PXDNL: variants seen among roughly 807,000 people sequenced by gnomAD.
PXDNL encodes probable oxidoreductase PXDNL.
PXDNL carries 145 observed loss-of-function variants against 150.8 expected under a neutral mutation model. The ratio of observed to expected loss-of-function variants is 0.96; its 90% CI spans 0.84 to 1.10. The LOEUF (loss-of-function observed/expected upper bound fraction) is 1.10. Among genes scored for constraint, PXDNL ranks in the 50% least tolerant of loss-of-function variants. The probability of loss-of-function intolerance (pLI) is 0.00; values close to 1 mark genes in which losing one functional copy is unlikely to be tolerated. For synonymous variants in PXDNL, 757 were observed against 725.7 expected, an observed-to-expected ratio of 1.04 and a Z score of -0.69; for missense variants, 2,087 against 1,873.9, an observed-to-expected ratio of 1.11 and a Z score of -2.10.
intron 1 of PXDNL, among the ~76,000 whole-genome samples, chr8:51,685,636 A>G (rs1263415339): frequency 6.6e-6 from 1 of 152,138 alleles, no homozygotes; most frequent in Non-Finnish European, 1.5e-5. Context: ...ACCTACATAC[A>G]CACATACATA....
At chr8:51,707,049 A>G (rs867554079) in intron 1 of PXDNL, among the ~76,000 whole-genome samples, 1 of 152,220 alleles carries the variant, frequency 6.6e-6, no homozygotes, top group African/African-American at 2.4e-5. Context: ...TACTTATGAT[A>G]GCCTGAAATT....
chr8:51,763,388 G>A (rs1332577492), intron 1 of PXDNL, among the ~76,000 whole-genome samples: 1 of 149,570 alleles, frequency 6.7e-6, no homozygotes, highest in Non-Finnish European at 1.5e-5. Flanking sequence ...GAAAAGGGAC[G>A]AAGCCCCAGG....
At chr8:51,339,795 G>C in intron 20 of PXDNL, 42 bp from the exon 21 acceptor site, 1 of 1,570,204 alleles carries the variant, frequency 6.4e-7, no homozygotes, top group Non-Finnish European at 8.7e-7. Context: ...AAAAATAAAA[G>C]TCGTGTGAGA....
At chr8:51,518,155 G>T (rs374811260) in intron 4 of PXDNL, among the ~76,000 whole-genome samples, 2 of 152,210 alleles carry the variant, frequency 1.3e-5, no homozygotes, top group East Asian at 3.9e-4. Context: ...AAATAAAAAG[G>T]AAATGGCTAA....
chr8:51,611,971 G>C (rs1017513567), intron 2 of PXDNL, among the ~76,000 whole-genome samples: 1 of 152,234 alleles, frequency 6.6e-6, no homozygotes, highest in Admixed American at 6.5e-5. Flanking sequence ...CAGAGGAGCA[G>C]ATGCAGGCAG....
At position 51,515,822 on chromosome 8, in the gene PXDNL, A is replaced by G. The variant is rs566341912; in HGVS notation, c.381-16052T>C. On this transcript the variant is annotated intron_variant, in intron 4 of 22. Coordinates refer to ENST00000356297, the MANE Select transcript of PXDNL (RefSeq NM_144651.5). ...TACAAAGCACAAAGCACAGACTGTC[A>G]CAATAATTGTGATCATTTTGATATC... Among the ~76,000 whole-genome samples, 6 of 152,354 alleles carry G rather than the reference A, an allele frequency of 3.9e-5. No individual in the cohort carries two copies. In the East Asian group the frequency reaches 1.2e-3, roughly 29 times the overall value.
intron 1 of PXDNL, among the ~76,000 whole-genome samples, chr8:51,756,466 A>C (rs2037103373): frequency 6.6e-6 from 1 of 152,018 alleles, no homozygotes; most frequent in African/African-American, 2.4e-5. Context: ...AATACTTATA[A>C]ATTTTTTCAA....
At chr8:51,679,805 T>C (rs1490542942) in intron 1 of PXDNL, among the ~76,000 whole-genome samples, 1 of 152,180 alleles carries the variant, frequency 6.6e-6, no homozygotes, top group African/African-American at 2.4e-5. Context: ...GCTCATTTCA[T>C]GAATAAGCAT....
At position 51,743,485 on chromosome 8, in the gene PXDNL, G is replaced by A. The variant is rs571721089; in HGVS notation, c.164+65696C>T. Among the ~76,000 whole-genome samples the A allele has an allele frequency of 5.3e-5, 8 of 152,054 alleles. No individual in the cohort carries two copies. The East Asian group carries it at 1.2e-3, about 22-fold the overall frequency. ...CAACCTCTACCTCCAGGGTTCAAGC[G>A]ATTCTCATGCCTCAGCCTCCCAAGT... On this transcript the variant is annotated intron_variant, in intron 1 of 22. Coordinates refer to ENST00000356297, the MANE Select transcript of PXDNL (RefSeq NM_144651.5).
At chr8:51,636,324 C>A (rs530921758) in intron 2 of PXDNL, among the ~76,000 whole-genome samples, 3 of 152,032 alleles carry the variant, frequency 2.0e-5, no homozygotes, top group Non-Finnish European at 2.9e-5. Context: ...TACTATTTAA[C>A]GCTATATTGG....
At chr8:51,514,202 T>C (rs1811485615) in intron 4 of PXDNL, among the ~76,000 whole-genome samples, 1 of 152,190 alleles carries the variant, frequency 6.6e-6, no homozygotes, top group Non-Finnish European at 1.5e-5. Context: ...AATAAACTAA[T>C]AGTAGGCTTT....
At chr8:51,369,380 T>C (rs1449809937) in intron 19 of PXDNL, among the ~76,000 whole-genome samples, 2 of 152,358 alleles carry the variant, frequency 1.3e-5, no homozygotes, top group Admixed American at 1.3e-4. Flanking sequence ...TTCTGTTAAT[T>C]GGGAAGTGTA....
chr8:51,357,649 C>T (rs2915476), intron 19 of PXDNL, among the ~76,000 whole-genome samples: 111,551 of 152,104 alleles, frequency 0.73, 41,447 homozygotes, highest in East Asian at 0.94. Context: ...GAGAAATTAA[C>T]CCACAAGGTA....
rs577412777 is a variant in PXDNL, at chr8:51,800,961, C to T, written c.164+8220G>A. On this transcript the variant is annotated intron_variant, in intron 1 of 22. Transcript: ENST00000356297. ...TGCACCTTGGAAACAAACAGAATAG[C>T]AGTGATTTTAGGGAACAAGGGAAGA... Among the ~76,000 whole-genome samples the T allele has an allele frequency of 1.4e-4, 22 of 152,234 alleles. No homozygotes were observed. In the South Asian group the frequency reaches 3.9e-3, roughly 27 times the overall value.
At chr8:51,786,123 T>C (rs2037458486) in intron 1 of PXDNL, among the ~76,000 whole-genome samples, 1 of 152,182 alleles carries the variant, frequency 6.6e-6, no homozygotes, top group Non-Finnish European at 1.5e-5. Flanking sequence ...AAAAATCAGC[T>C]GAGCACTCAC....
chr8:51,601,959 T>G (rs1463786965), intron 2 of PXDNL, among the ~76,000 whole-genome samples: 1 of 152,084 alleles, frequency 6.6e-6, no homozygotes, highest in Non-Finnish European at 1.5e-5. Flanking sequence ...TGGAAAAGAT[T>G]TTATTTCTCC....
rs374034811 is a variant in PXDNL, at chr8:51,499,583, A to G, written c.452+116T>C. The stretch of plus-strand genomic sequence containing the variant: ...ACTCTGTTTTGTAGTGCCAAGGTAC[A>G]GGCTCTGCCTCTAAAGCTTACAGCA... On this transcript the variant is annotated intron_variant, in intron 5 of 22. Coordinates refer to ENST00000356297, the MANE Select transcript of PXDNL (RefSeq NM_144651.5). The G allele has an allele frequency of 4.0e-4, 284 of 718,694 alleles. No individual in the cohort carries two copies. In the East Asian group the frequency reaches 6.6e-3, roughly 17 times the overall value. 44.5% of individuals were successfully genotyped at this position (718,694 alleles called of 1,614,324 possible). A position where few individuals can be genotyped will look rare whatever the true frequency, so the allele number is the denominator to read the frequency against.
intron 5 of PXDNL, among the ~76,000 whole-genome samples, chr8:51,498,987 A>G (rs1554546995): frequency 6.6e-6 from 1 of 152,182 alleles, no homozygotes; most frequent in Non-Finnish European, 1.5e-5. Flanking sequence ...TGGAGCTACC[A>G]GAAACAATGC....
At chr8:51,501,248 C>T (rs540239686) in intron 4 of PXDNL, among the ~76,000 whole-genome samples, 75 of 152,208 alleles carry the variant, frequency 4.9e-4, no homozygotes, top group African/African-American at 1.8e-3. Context: ...AACAACTTTA[C>T]CTTGGTTGCC....
Sources: allele counts gnomAD v4.1 joint callset (sites outside exome capture counted in the v4.1 genomes callset), GRCh38; gene constraint gnomAD v4.1.1; transcripts MANE v1.5; gene names NCBI Gene and HGNC (gene_info 2026-07-23, HGNC 2026-07-21).